Variants in CCDC141 observed in about 807,000 individuals in gnomAD.
CCDC141 encodes coiled-coil domain-containing protein 141.
In CCDC141, 168 loss-of-function variants were observed where a neutral mutation model predicts 181.0. The observed-to-expected ratio is 0.93, with a 90% CI of 0.82 to 1.05. The LOEUF (loss-of-function observed/expected upper bound fraction) is 1.05, where lower values mean the gene tolerates loss of function less well. Among genes scored for constraint, CCDC141 ranks in the 50% least tolerant of loss-of-function variants. The probability of loss-of-function intolerance (pLI) is 0.00; values close to 1 mark genes in which losing one functional copy is unlikely to be tolerated. For synonymous variants in CCDC141, 666 were observed against 642.3 expected, an observed-to-expected ratio of 1.04 and a Z score of -0.56; for missense variants, 1,902 against 1,788.5, an observed-to-expected ratio of 1.06 and a Z score of -1.14.
At chr2:178,956,637 TC>T (rs1690173867) in intron 5 of CCDC141, among the ~76,000 whole-genome samples, 1 of 152,130 alleles carries the variant, frequency 6.6e-6, no homozygotes, top group East Asian at 1.9e-4. Flanking sequence ...GAAATGACTA[TC>T]TTGTTTATTG....
chr2:178,908,869 TA>T (rs1688099104), intron 7 of CCDC141, among the ~76,000 whole-genome samples: 1 of 152,176 alleles, frequency 6.6e-6, no homozygotes, highest in African/African-American at 2.4e-5. Context: ...GAAAAATATA[TA>T]AAAGTAAGTG....
At chr2:178,898,152 T>C (rs1341794470) in intron 8 of CCDC141, among the ~76,000 whole-genome samples, 1 of 152,176 alleles carries the variant, frequency 6.6e-6, no homozygotes, top group East Asian at 1.9e-4. Flanking sequence ...GTCATTAAGA[T>C]GGATTAATGT....
chr2:179,045,966 C>A (rs956094891), intron 2 of CCDC141, among the ~76,000 whole-genome samples: 6 of 152,058 alleles, frequency 3.9e-5, no homozygotes, highest in African/African-American at 7.2e-5. Context: ...TGTACTAATT[C>A]TTTCTTCAAC....
chr2:178,856,536 C>G (rs919786657), intron 17 of CCDC141, 139 bp from the exon 18 acceptor site: 1 of 503,486 alleles, frequency 2.0e-6, no homozygotes, highest in Non-Finnish European at 3.3e-6. Flanking sequence ...CTCCCTCCCT[C>G]CCTCTCTCTT....
chr2:179,012,961 T>C lies in CCDC141; in HGVS notation c.226-34286A>G, dbSNP rs140299112. ...CAGCAAAATCAGCATACAAGGGACATACCTTAATGTAATAAAAGCCATCTA... is the reference window on the plus strand; with the variant it reads ...CAGCAAAATCAGCATACAAGGGACACACCTTAATGTAATAAAAGCCATCTA... On this transcript the variant is annotated intron_variant, in intron 2 of 23. Transcript: ENST00000443758. 4.6e-3 allele frequency among the ~76,000 whole-genome samples: 707 copies of C among 152,252 alleles called. 3 individuals are homozygous for C. Among genetic ancestry groups the C allele is most frequent in the African/African-American group, 0.016 (681 of 41,546 alleles).
intron 6 of CCDC141, among the ~76,000 whole-genome samples, chr2:178,929,467 TTAAC>T (rs1231808408): frequency 1.3e-5 from 2 of 152,142 alleles, no homozygotes; most frequent in East Asian, 1.9e-4. Context: ...ACATACCTCT[TTAAC>T]TACCCACGAG....
Position 178,850,093 on chromosome 2 carries a change from T to G in CCDC141, c.3313A>C (p.Thr1105Pro). Reference sequence around the variant, plus strand: ...TCTGTGAGGGACTCACATAATTCAGTCACAGATTCAAGAACCTCTTTGTGT... The same window carrying G: ...TCTGTGAGGGACTCACATAATTCAGGCACAGATTCAAGAACCTCTTTGTGT... ...TKHKEVLESVTELCESLTELE... is the reference protein window; with the variant it reads ...TKHKEVLESVPELCESLTELE... The change falls in exon 21 of 24, where the codon ACT becomes CCT. Residue 1105 changes from threonine (T) to proline (P), a missense_variant. Physicochemically the swap from Thr to Pro is conservative, Grantham distance 38. Coordinates refer to ENST00000443758, the MANE Select transcript of CCDC141 (RefSeq NM_173648.4). 1 of 1,610,910 alleles carries G rather than the reference T, an allele frequency of 6.2e-7. No individual in the cohort carries two copies. Among genetic ancestry groups the G allele is most frequent in the Non-Finnish European group, 8.5e-7 (1 of 1,178,224 alleles).
At position 178,966,185 on chromosome 2, in the gene CCDC141, C is replaced by T. The variant is rs546827616; in HGVS notation, c.527-4702G>A. Among the ~76,000 whole-genome samples the T allele has an allele frequency of 5.3e-5, 8 of 152,310 alleles. No homozygotes were observed. In the South Asian group the frequency reaches 1.2e-3, roughly 24 times the overall value. On this transcript the variant is annotated intron_variant, in intron 4 of 23. Transcript: ENST00000443758. ...ACCTGGGGAAAGGGGCGCCTATGGG[C>T]GAAGCTTCAGCAGACTTGAACATCC...
chr2:178,980,727 A>C (rs1011807216), intron 2 of CCDC141, among the ~76,000 whole-genome samples: 1 of 152,220 alleles, frequency 6.6e-6, no homozygotes, highest in Non-Finnish European at 1.5e-5. Flanking sequence ...AAAGTAAATA[A>C]ATTGGAGTAA....
At chr2:178,986,782 G>A (rs1691766853) in intron 2 of CCDC141, among the ~76,000 whole-genome samples, 1 of 151,906 alleles carries the variant, frequency 6.6e-6, no homozygotes, top group Non-Finnish European at 1.5e-5. Flanking sequence ...ACCTCTTCAA[G>A]GAGAACTACA....
intron 2 of CCDC141, among the ~76,000 whole-genome samples, chr2:178,990,151 AAAG>A (rs1311118333): frequency 8.6e-5 from 13 of 151,510 alleles, no homozygotes; most frequent in African/African-American, 1.5e-4. Flanking sequence ...AAAAAAAAAA[AAAG>A]AAAGAAAGAA....
intron 6 of CCDC141, among the ~76,000 whole-genome samples, chr2:178,925,893 T>A (rs1158351882): frequency 6.6e-6 from 1 of 152,124 alleles, no homozygotes. Flanking sequence ...TCTCAACACA[T>A]CTAACTCAGC....
intron 10 of CCDC141, among the ~76,000 whole-genome samples, chr2:178,886,114 C>T (rs1686871504): frequency 1.3e-5 from 2 of 152,162 alleles, no homozygotes; most frequent in Non-Finnish European, 2.9e-5. Flanking sequence ...GAAGGAGGCT[C>T]TTCTGCTGAG....
chr2:178,975,580 G>A (rs1232960118), intron 3 of CCDC141, among the ~76,000 whole-genome samples: 1 of 152,088 alleles, frequency 6.6e-6, no homozygotes, highest in Non-Finnish European at 1.5e-5. Flanking sequence ...TAACTAAAAA[G>A]CAGTCTATAC....
chr2:178,923,096 AT>A (rs757686549), intron 6 of CCDC141, among the ~76,000 whole-genome samples: 50,650 of 137,496 alleles, frequency 0.37, 9,152 homozygotes, highest in East Asian at 0.69. Context: ...CCACCAGTTT[AT>A]TTTTTTTTTT....
intron 6 of CCDC141, among the ~76,000 whole-genome samples, chr2:178,942,893 ATATC>A (rs1689579431): frequency 6.6e-6 from 1 of 152,158 alleles, no homozygotes; most frequent in Non-Finnish European, 1.5e-5. Flanking sequence ...GATGGAAAGA[ATATC>A]TATATGCTTT....
chr2:178,945,178 C>A (rs1012134775), intron 5 of CCDC141, among the ~76,000 whole-genome samples: 1 of 152,118 alleles, frequency 6.6e-6, no homozygotes, highest in Non-Finnish European at 1.5e-5. Context: ...ATTTATAATA[C>A]ATGCCATATA....
At chr2:179,012,088 AC>A (rs1489340561) in intron 2 of CCDC141, among the ~76,000 whole-genome samples, 3 of 152,136 alleles carry the variant, frequency 2.0e-5, no homozygotes, top group Admixed American at 2.0e-4. Context: ...CCAAACCCAA[AC>A]CCAGAAGAAG....
At chr2:178,904,754 A>C (rs539264856) in intron 8 of CCDC141, among the ~76,000 whole-genome samples, 1 of 152,080 alleles carries the variant, frequency 6.6e-6, no homozygotes, top group East Asian at 1.9e-4. Context: ...CTTCATGCCC[A>C]CTAAGCTCAA....
Sources: gnomAD v4.1 joint callset for allele counts (sites outside exome capture counted in the v4.1 genomes callset) on GRCh38, gnomAD v4.1.1 for gene constraint, MANE v1.5 for transcripts, NCBI Gene and HGNC (gene_info 2026-07-23, HGNC 2026-07-21) for gene names.